PPM1E: variants seen among roughly 807,000 people sequenced by gnomAD.
The protein encoded by PPM1E is protein phosphatase 1E.
PPM1E carries 20 observed loss-of-function variants against 65.9 expected under a neutral mutation model. That is an observed-to-expected ratio of 0.30 (90% CI 0.21 to 0.44). The LOEUF (loss-of-function observed/expected upper bound fraction) is 0.44, where lower values mean the gene tolerates loss of function less well. Ranked by LOEUF, PPM1E falls within the 20% of genes least tolerant of loss-of-function variation. The pLI, the probability that PPM1E is intolerant of heterozygous loss-of-function variation, is 1.00. For synonymous variants in PPM1E, 352 were observed against 374.9 expected (o/e 0.94, Z 0.70); for missense variants, 713 against 953.1 (o/e 0.75, Z 3.32).
chr17:58,814,856 T>C (rs906452842), intron 1 of PPM1E, among the ~76,000 whole-genome samples: 1 of 152,226 alleles, frequency 6.6e-6, no homozygotes, highest in African/African-American at 2.4e-5. Context: ...GGGCCAGATT[T>C]GGCCCACAGT....
intron 1 of PPM1E, among the ~76,000 whole-genome samples, chr17:58,761,976 A>G (rs1053260037): frequency 1.3e-5 from 2 of 152,214 alleles, no homozygotes; most frequent in Admixed American, 1.3e-4. Context: ...TGAGATTGGC[A>G]ACTTGTTCTG....
At chr17:58,811,602 A>G (rs2050368665) in intron 1 of PPM1E, among the ~76,000 whole-genome samples, 1 of 152,208 alleles carries the variant, frequency 6.6e-6, no homozygotes, top group Non-Finnish European at 1.5e-5. Flanking sequence ...ACTGTGAAGT[A>G]TCTTTTTACC....
rs1567903264 is a variant in PPM1E, at chr17:58,982,585, G to T, written c.*1554G>T. ...CTGAATTTTAAAGACACAGATGACT[G>T]GCATATTTTGGATACCAGTATAGCT... On this transcript the variant is annotated 3_prime_UTR_variant, in exon 7 of 7. Transcript: ENST00000308249. 1.5e-5 allele frequency: 4 copies of T among 273,764 alleles called. No individual in the cohort carries two copies. The South Asian group carries it at 2.6e-4, about 18-fold the overall frequency. The allele number at this position is 273,764 out of a possible 1,614,324, so 17.0% of individuals were successfully genotyped here.
At chr17:58,777,904 A>T (rs1015778018) in intron 1 of PPM1E, among the ~76,000 whole-genome samples, 7 of 152,182 alleles carry the variant, frequency 4.6e-5, no homozygotes, top group African/African-American at 1.7e-4. Context: ...TTATTGTGGC[A>T]AAATATACAT....
chr17:58,811,409 A>C (rs995992129), intron 1 of PPM1E, among the ~76,000 whole-genome samples: 2 of 152,168 alleles, frequency 1.3e-5, no homozygotes, highest in Non-Finnish European at 2.9e-5. Context: ...AAAATTTGGA[A>C]TTTATCCTTT....
chr17:58,827,771 G>A (rs1435779719), intron 1 of PPM1E, among the ~76,000 whole-genome samples: 3 of 149,614 alleles, frequency 2.0e-5, no homozygotes, highest in East Asian at 2.0e-4. Context: ...GCGTGGTGGC[G>A]CGCGCCTGTA....
chr17:58,966,651 C>T (rs1418777820), intron 3 of PPM1E: 1 of 155,210 alleles, frequency 6.4e-6, no homozygotes, highest in Non-Finnish European at 1.4e-5. Flanking sequence ...TCTATATGAG[C>T]CTTGGCAGCT....
intron 1 of PPM1E, among the ~76,000 whole-genome samples, chr17:58,931,762 T>C (rs560305645): frequency 1.2e-4 from 19 of 152,156 alleles, no homozygotes; most frequent in Non-Finnish European, 2.5e-4. Flanking sequence ...ACCTGTTATT[T>C]AGGTAAAAAG....
chr17:58,916,412 T>A (rs182525311), intron 1 of PPM1E, among the ~76,000 whole-genome samples: 1 of 152,220 alleles, frequency 6.6e-6, no homozygotes, highest in Admixed American at 6.5e-5. Flanking sequence ...CCTTTGCTTA[T>A]GAATTCCTGT....
intron 1 of PPM1E, among the ~76,000 whole-genome samples, chr17:58,948,786 A>C (rs957309506): frequency 1.3e-4 from 20 of 152,078 alleles, no homozygotes; most frequent in Admixed American, 1.2e-3. Context: ...GTTGTTTAGG[A>C]GCATGTTGTG....
chr17:58,879,997 G>T (rs1206450399), intron 1 of PPM1E, among the ~76,000 whole-genome samples: 1 of 152,088 alleles, frequency 6.6e-6, no homozygotes, highest in African/African-American at 2.4e-5. Flanking sequence ...AATTTCACAC[G>T]GCATGGGAGC....
chr17:58,959,710 GAGTACAGC>G lies in PPM1E; in HGVS notation c.583+3947_583+3954del, dbSNP rs200587036. 2.3e-4 allele frequency among the ~76,000 whole-genome samples: 34 copies of G among 149,792 alleles called. No homozygotes were observed. The East Asian group carries it at 5.9e-3, about 26-fold the overall frequency. On this transcript the variant is annotated intron_variant, in intron 2 of 6. Transcript: ENST00000308249. ...ATCTTAAGTAAAATATTTGTATATT[GAGTACAGC>G]AGTTAATTCATTCACTGAATATTTT... is the stretch of plus-strand genomic sequence containing the variant.
intron 1 of PPM1E, among the ~76,000 whole-genome samples, chr17:58,881,711 G>T (rs2051196765): frequency 6.6e-6 from 1 of 151,960 alleles, no homozygotes; most frequent in Non-Finnish European, 1.5e-5. Context: ...AGGCATGATA[G>T]TGTGCACCTG....
intron 1 of PPM1E, among the ~76,000 whole-genome samples, chr17:58,790,530 C>A (rs1166782536): frequency 6.6e-6 from 1 of 152,100 alleles, no homozygotes; most frequent in East Asian, 1.9e-4. Flanking sequence ...CTGGGCTGGT[C>A]AATAGAATGT....
At chr17:58,888,484 C>T (rs943028457) in intron 1 of PPM1E, among the ~76,000 whole-genome samples, 13 of 151,664 alleles carry the variant, frequency 8.6e-5, no homozygotes, top group Admixed American at 7.9e-4. Context: ...CTGCCTCAGC[C>T]TCCCGAGTAG....
At position 58,827,920 on chromosome 17, in the gene PPM1E, T is replaced by A. The variant is rs868500937; in HGVS notation, c.464+71459T>A. On this transcript the variant is annotated intron_variant, in intron 1 of 6. Transcript: ENST00000308249. ...CCATCTCAAAAAAAAAAAATAATAATAATAATAATAATAATTGGCCAGGCA... is the reference window on the plus strand; with the variant it reads ...CCATCTCAAAAAAAAAAAATAATAAAAATAATAATAATAATTGGCCAGGCA... 6.4e-3 allele frequency among the ~76,000 whole-genome samples: 759 copies of A among 118,720 alleles called. 6 individuals carry two copies. Among genetic ancestry groups the A allele is most frequent in the Non-Finnish European group, 8.1e-3 (443 of 55,002 alleles). The allele number at this position is 118,720 out of a possible 152,430, so 77.9% of individuals were successfully genotyped here.
chr17:58,774,800 G>T (rs1218077627), intron 1 of PPM1E, among the ~76,000 whole-genome samples: 1 of 151,762 alleles, frequency 6.6e-6, no homozygotes, highest in African/African-American at 2.4e-5. Context: ...TTATTGAATT[G>T]ATAAGGACTA....
intron 3 of PPM1E, 123 bp downstream of exon 3, chr17:58,966,016 G>GTTATATTT: frequency 9.6e-7 from 1 of 1,037,002 alleles, no homozygotes; most frequent in Non-Finnish European, 1.4e-6. Context: ...TTAGAGTAGG[G>GTTATATTT]CTAAGTGCAA....
At chr17:58,956,601 T>C (rs1003013653) in intron 2 of PPM1E, among the ~76,000 whole-genome samples, 2 of 152,158 alleles carry the variant, frequency 1.3e-5, no homozygotes, top group Non-Finnish European at 2.9e-5. Flanking sequence ...GCAAATGTGA[T>C]TTAATTGCAT....
Sources: allele counts gnomAD v4.1 joint callset (sites outside exome capture counted in the v4.1 genomes callset), GRCh38; gene constraint gnomAD v4.1.1; transcripts MANE v1.5; gene names NCBI Gene and HGNC (gene_info 2026-07-23, HGNC 2026-07-21).